The following PCDH11X variants were observed in gnomAD, a reference collection of about 807,000 sequenced individuals.
PCDH11X encodes the protein protocadherin 11 X-linked.
In PCDH11X, 18 loss-of-function variants were observed where a neutral mutation model predicts 53.3. The observed-to-expected ratio is 0.34, with a 90% CI of 0.23 to 0.50. The LOEUF is 0.50. Ranked by LOEUF, PCDH11X falls within the 20% of genes least tolerant of loss-of-function variation. PCDH11X has a pLI of 0.98. For synonymous variants in PCDH11X, 279 were observed against 393.3 expected (o/e 0.71, Z 3.44); for missense variants, 570 against 1,032.4 (o/e 0.55, Z 6.14).
At chrX:92,346,232 A>C (rs1357978052) in intron 8 of PCDH11X, among the ~76,000 whole-genome samples, 10 of 111,209 alleles carry the variant, frequency 9.0e-5, no homozygotes, top group Non-Finnish European at 1.7e-4. Context: ...GAGGGAAAGG[A>C]AAGGTCATAG....
chrX:92,321,145 A>G (rs1278727026), intron 8 of PCDH11X, among the ~76,000 whole-genome samples: 1 of 106,782 alleles, frequency 9.4e-6, no homozygotes, highest in African/African-American at 3.4e-5. Context: ...CTTGTGGAAC[A>G]GGAGGTCGGT....
chrX:91,929,442 T>C (rs1942052280), intron 6 of PCDH11X, among the ~76,000 whole-genome samples: 1 of 110,184 alleles, frequency 9.1e-6, no homozygotes, highest in South Asian at 3.8e-4. Context: ...GTTATTCAGG[T>C]AAGGAAATCG....
chrX:91,885,646 T>C (rs1031114179), intron 6 of PCDH11X, among the ~76,000 whole-genome samples: 3 of 111,200 alleles, frequency 2.7e-5, no homozygotes, highest in Non-Finnish European at 5.7e-5. Flanking sequence ...TTTCTTCCAT[T>C]TCAGTGAACC....
intron 10 of PCDH11X, among the ~76,000 whole-genome samples, chrX:92,499,764 CG>C (rs2073929027): frequency 9.9e-6 from 1 of 100,604 alleles, no homozygotes; most frequent in Non-Finnish European, 2.0e-5. Flanking sequence ...CCTGGGAGGT[CG>C]AGGCTGCAGT....
At chrX:91,958,787 A>C (rs187473323) in intron 6 of PCDH11X, among the ~76,000 whole-genome samples, 284 of 110,043 alleles carry the variant, frequency 2.6e-3, no homozygotes, top group Admixed American at 4.9e-3. Flanking sequence ...GCCATCTTGG[A>C]TCGTGTTTTT....
chrX:91,789,322 A>G (rs1336885823), intron 1 of PCDH11X, among the ~76,000 whole-genome samples: 1 of 97,820 alleles, frequency 1.0e-5, no homozygotes, highest in Non-Finnish European at 2.1e-5. Flanking sequence ...TGAATACATT[A>G]AATTTTTTTA....
chrX:91,825,866 A>T (rs929956614), intron 4 of PCDH11X, among the ~76,000 whole-genome samples: 1 of 108,049 alleles, frequency 9.3e-6, no homozygotes, highest in Non-Finnish European at 1.9e-5. Context: ...AGTTGTTTAC[A>T]TTTAAAACTG....
At chrX:92,591,607 G>A (rs1925041502) in intron 10 of PCDH11X, among the ~76,000 whole-genome samples, 2 of 111,434 alleles carry the variant, frequency 1.8e-5, no homozygotes, top group South Asian at 7.7e-4. Context: ...TTCTTGTCTT[G>A]CTTTACGTCC....
At chrX:92,036,266 A>G (rs1478545121) in intron 6 of PCDH11X, among the ~76,000 whole-genome samples, 2 of 110,063 alleles carry the variant, frequency 1.8e-5, no homozygotes, top group African/African-American at 6.6e-5. Context: ...TACTCTTCAC[A>G]GTCTGGGATT....
chrX:92,515,798 A>G (rs1215159391), intron 10 of PCDH11X, among the ~76,000 whole-genome samples: 1 of 110,801 alleles, frequency 9.0e-6, no homozygotes, highest in Non-Finnish European at 1.9e-5. Context: ...AATAGCAATA[A>G]TAATAATAAT....
intron 10 of PCDH11X, among the ~76,000 whole-genome samples, chrX:92,538,600 CTGA>C (rs1458923658): frequency 9.9e-6 from 1 of 101,139 alleles, no homozygotes. Context: ...TTATTTTAAA[CTGA>C]TGACAACATA....
At chrX:91,881,374 T>C (rs936611383) in intron 6 of PCDH11X, among the ~76,000 whole-genome samples, 3 of 111,449 alleles carry the variant, frequency 2.7e-5, no homozygotes, top group African/African-American at 9.7e-5. Flanking sequence ...TTGGTTGTTA[T>C]CAGGTTTTTA....
intron 6 of PCDH11X, among the ~76,000 whole-genome samples, chrX:92,020,208 G>T (rs2062861881): frequency 8.9e-6 from 1 of 112,600 alleles, no homozygotes; most frequent in Admixed American, 9.4e-5. Flanking sequence ...CATCACAGCT[G>T]CTGCTGTCTG....
At chrX:91,800,534 A>G (rs1366517465) in intron 1 of PCDH11X, among the ~76,000 whole-genome samples, 1 of 108,366 alleles carries the variant, frequency 9.2e-6, no homozygotes, top group Non-Finnish European at 1.9e-5. Context: ...ATTAACACAG[A>G]AAACTATGGA....
intron 6 of PCDH11X, among the ~76,000 whole-genome samples, chrX:91,996,957 C>T (rs1296613020): frequency 3.1e-5 from 2 of 64,267 alleles, no homozygotes; most frequent in Admixed American, 2.0e-4. Context: ...CCCCATGTTG[C>T]GCAAGGGTCC....
chrX:91,824,811 T>C (rs1936845371), intron 4 of PCDH11X, among the ~76,000 whole-genome samples: 1 of 108,776 alleles, frequency 9.2e-6, no homozygotes, highest in African/African-American at 3.5e-5. Context: ...TGGTTTTATC[T>C]ACTTTTGGTC....
intron 8 of PCDH11X, among the ~76,000 whole-genome samples, chrX:92,289,819 C>T (rs1488630804): frequency 3.1e-4 from 34 of 110,835 alleles, no homozygotes; most frequent in African/African-American, 1.1e-3. Flanking sequence ...ATAACTAATG[C>T]AGATCATAAT....
intron 6 of PCDH11X, among the ~76,000 whole-genome samples, chrX:91,887,811 A>G (rs1940301174): frequency 9.0e-6 from 1 of 111,124 alleles, no homozygotes; most frequent in Non-Finnish European, 1.9e-5. Context: ...TTATAGATGT[A>G]TGATTGGACA....
intron 6 of PCDH11X, among the ~76,000 whole-genome samples, chrX:92,180,900 T>C (rs920489289): frequency 9.1e-6 from 1 of 109,521 alleles, no homozygotes; most frequent in Non-Finnish European, 1.9e-5. Flanking sequence ...CTCAGGTATG[T>C]CTTTATTAGC....
Sources: allele counts gnomAD v4.1 joint callset (sites outside exome capture counted in the v4.1 genomes callset), GRCh38; gene constraint gnomAD v4.1.1; transcripts MANE v1.5; gene names NCBI Gene and HGNC (gene_info 2026-07-23, HGNC 2026-07-21).